The following ARHGAP10 variants were observed in gnomAD, a reference collection of about 807,000 sequenced individuals.
The protein encoded by ARHGAP10 is rho GTPase-activating protein 10.
Under a neutral mutation model 108.6 loss-of-function variants are expected in ARHGAP10, and 87 were observed. The ratio of observed to expected loss-of-function variants is 0.80; its 90% confidence interval spans 0.67 to 0.96. The LOEUF (loss-of-function observed/expected upper bound fraction) is 0.96. Among genes scored for constraint, ARHGAP10 ranks in the 40% least tolerant of loss-of-function variants. ARHGAP10 has a pLI of 0.00. For missense variants in ARHGAP10, 939 were observed against 954.5 expected (o/e 0.98, Z 0.21); for synonymous variants, 347 against 341.1 (o/e 1.02, Z -0.19).
chr4:147,752,446 T>C (rs1729194477), intron 1 of ARHGAP10, among the ~76,000 whole-genome samples: 1 of 152,226 alleles, frequency 6.6e-6, no homozygotes, highest in Non-Finnish European at 1.5e-5. Context: ...AAAACGCTAT[T>C]GTTTGCTTTT....
intron 1 of ARHGAP10, among the ~76,000 whole-genome samples, chr4:147,806,997 C>T (rs373695727): frequency 3.9e-5 from 6 of 152,200 alleles, no homozygotes; most frequent in South Asian, 2.1e-4. Flanking sequence ...AAGGATGCTA[C>T]GCCTAATTCA....
At chr4:147,898,866 T>C (rs1736104352) in intron 10 of ARHGAP10, among the ~76,000 whole-genome samples, 3 of 152,066 alleles carry the variant, frequency 2.0e-5, no homozygotes, top group African/African-American at 7.3e-5. Context: ...CCAAACACTT[T>C]TAAACCACCA....
chr4:147,733,303 A>G (rs899195744), intron 1 of ARHGAP10, among the ~76,000 whole-genome samples: 1 of 152,204 alleles, frequency 6.6e-6, no homozygotes, highest in African/African-American at 2.4e-5. Flanking sequence ...ATGCAGAAAT[A>G]CTGAGTTAGT....
At chr4:147,759,721 C>A (rs1009282330) in intron 1 of ARHGAP10, among the ~76,000 whole-genome samples, 5 of 151,792 alleles carry the variant, frequency 3.3e-5, no homozygotes, top group African/African-American at 1.2e-4. Context: ...TTCAGATAGT[C>A]TTTGGACTTC....
rs766465653 is a variant in ARHGAP10, at chr4:147,732,281, C to T, written c.-21C>T. 76 of 1,584,226 alleles carry T rather than the reference C, an allele frequency of 4.8e-5. No homozygotes were observed. The South Asian group carries it at 8.3e-4, about 17-fold the overall frequency. On this transcript the variant is annotated 5_prime_UTR_variant, in exon 1 of 23. Coordinates refer to ENST00000336498, the MANE Select transcript of ARHGAP10 (RefSeq NM_024605.4). ...GGCAGGAGCGCGCGGCCGTGCGCAC[C>T]GCGCAGCGACCGCTGCCGTCATGGG...
At chr4:147,748,755 A>G (rs1578996710) in intron 1 of ARHGAP10, among the ~76,000 whole-genome samples, 1 of 152,034 alleles carries the variant, frequency 6.6e-6, no homozygotes, top group African/African-American at 2.4e-5. Context: ...AGGATTGCTT[A>G]AGGTTAGGAG....
At chr4:147,768,312 A>C (rs558267951) in intron 1 of ARHGAP10, among the ~76,000 whole-genome samples, 1 of 152,344 alleles carries the variant, frequency 6.6e-6, no homozygotes, top group African/African-American at 2.4e-5. Flanking sequence ...TGAGGATGGC[A>C]GTACTTACAT....
intron 1 of ARHGAP10, among the ~76,000 whole-genome samples, chr4:147,788,802 C>T (rs1456969222): frequency 2.0e-5 from 3 of 152,116 alleles, no homozygotes; most frequent in African/African-American, 7.2e-5. Flanking sequence ...TCCCATGACA[C>T]CAGGAAATCT....
chr4:147,809,366 C>T (rs372411422), intron 1 of ARHGAP10, among the ~76,000 whole-genome samples: 11 of 152,118 alleles, frequency 7.2e-5, no homozygotes, highest in African/African-American at 2.6e-4. Context: ...CATTTTTTTT[C>T]TTGATCTTAA....
intron 18 of ARHGAP10, among the ~76,000 whole-genome samples, chr4:147,968,671 A>AT (rs995892989): frequency 9.3e-4 from 142 of 151,970 alleles, no homozygotes; most frequent in Admixed American, 2.0e-3. Context: ...GAACTTTTAG[A>AT]TTTTTTTTTC....
In ARHGAP10 at chr4:147,939,852, T is replaced by C. The variant is rs1260631623; in HGVS notation, c.1256T>C (p.Val419Ala). The C allele has an allele frequency of 1.9e-6, 3 of 1,614,002 alleles. No homozygotes were observed. The highest frequency in any genetic ancestry group is 2.5e-6 in the Non-Finnish European group (3 of 1,179,926). Residue 419 changes from valine to alanine, a missense_variant, in exon 14 of 23, where the codon GTT (valine) becomes GCT (alanine). Transcript: ENST00000336498. ...RGINDQGLYR[V>A]VGVSSKVQRL... ...ATAAATGACCAAGGATTGTACAGAG[T>C]TGTGGGGGTGAGTTCAAAGGTCCAG...
chr4:147,919,953 A>G (rs1737168014), intron 13 of ARHGAP10, among the ~76,000 whole-genome samples: 1 of 152,074 alleles, frequency 6.6e-6, no homozygotes, highest in Non-Finnish European at 1.5e-5. Flanking sequence ...ACTGGGAAGT[A>G]GGATTCTTTA....
intron 3 of ARHGAP10, among the ~76,000 whole-genome samples, chr4:147,831,657 A>C (rs183427659): frequency 3.9e-5 from 6 of 152,314 alleles, no homozygotes; most frequent in Admixed American, 3.9e-4. Flanking sequence ...GACCTTTACA[A>C]TTGGACAGCA....
chr4:148,004,374 A>T (rs1740857239), intron 18 of ARHGAP10, among the ~76,000 whole-genome samples: 1 of 152,236 alleles, frequency 6.6e-6, no homozygotes, highest in Non-Finnish European at 1.5e-5. Context: ...TTTGAAAAGA[A>T]TGAATAGATT....
At chr4:147,740,489 C>T (rs1468815705) in intron 1 of ARHGAP10, among the ~76,000 whole-genome samples, 2 of 152,068 alleles carry the variant, frequency 1.3e-5, no homozygotes, top group African/African-American at 4.8e-5. Context: ...TACATTTGAT[C>T]TAGTTAGGAT....
intron 19 of ARHGAP10, among the ~76,000 whole-genome samples, chr4:148,044,812 A>G (rs1321920173): frequency 7.2e-5 from 11 of 152,188 alleles, no homozygotes; most frequent in Non-Finnish European, 1.5e-4. Context: ...TCCCAGAAAG[A>G]AAATACATTA....
chr4:147,740,270 C>G (rs573800232), intron 1 of ARHGAP10, among the ~76,000 whole-genome samples: 1 of 152,240 alleles, frequency 6.6e-6, no homozygotes, highest in South Asian at 2.1e-4. Context: ...GTTGGCCAGG[C>G]TGGTCCTGAA....
At chr4:147,924,542 C>T (rs980701534) in intron 13 of ARHGAP10, among the ~76,000 whole-genome samples, 5 of 152,104 alleles carry the variant, frequency 3.3e-5, no homozygotes, top group Admixed American at 6.6e-5. Context: ...GGTATATTTT[C>T]AAGTAGTGCT....
At position 147,877,779 on chromosome 4, in the gene ARHGAP10, C is replaced by G. The variant is rs190322080; in HGVS notation, c.833-1453C>G. On this transcript the variant is annotated intron_variant, in intron 8 of 22. Coordinates refer to ENST00000336498, the MANE Select transcript of ARHGAP10 (RefSeq NM_024605.4). Reference sequence around the variant, plus strand: ...GAGAGTGTTCTGGGGCATACTTGGACAGTCACTCCTATTGAGTCTTAGATT... The same window carrying G: ...GAGAGTGTTCTGGGGCATACTTGGAGAGTCACTCCTATTGAGTCTTAGATT... Among the ~76,000 whole-genome samples the G allele has an allele frequency of 8.2e-4, 123 of 149,840 alleles. 2 individuals are homozygous for G. Among genetic ancestry groups the G allele is most frequent in the Middle Eastern group, 3.4e-3 (1 of 290 alleles).
Sources: gnomAD v4.1 joint callset for allele counts (sites outside exome capture counted in the v4.1 genomes callset) on GRCh38, gnomAD v4.1.1 for gene constraint, MANE v1.5 for transcripts, NCBI Gene and HGNC (gene_info 2026-07-23, HGNC 2026-07-21) for gene names.